Variants in KIAA1217 observed in about 807,000 individuals in gnomAD.
KIAA1217 encodes the protein sickle tail protein homolog.
A neutral mutation model predicts 163.9 loss-of-function variants in KIAA1217; 88 were observed. The ratio of observed to expected loss-of-function variants is 0.54; its 90% CI spans 0.45 to 0.64. KIAA1217 has a LOEUF of 0.64. Among genes scored for constraint, KIAA1217 ranks in the 30% least tolerant of loss-of-function variants. KIAA1217 has a pLI of 0.00. For missense variants in KIAA1217, 2,372 were observed against 2,475.0 expected, an observed-to-expected ratio of 0.96 and a Z score of 0.88; for synonymous variants, 903 against 923.1, an observed-to-expected ratio of 0.98 and a Z score of 0.39.
chr10:24,185,776 C>A (rs1022489737), intron 2 of KIAA1217, among the ~76,000 whole-genome samples: 5 of 151,788 alleles, frequency 3.3e-5, no homozygotes, highest in African/African-American at 1.2e-4. Context: ...GCCTGAGTGA[C>A]AAGAGCAAAA....
At chr10:24,214,223 C>T (rs2068523187) in intron 1 of KIAA1217, among the ~76,000 whole-genome samples, 1 of 152,134 alleles carries the variant, frequency 6.6e-6, no homozygotes, top group Non-Finnish European at 1.5e-5. Flanking sequence ...ATTCTGCGGC[C>T]TGCTAACCGA....
At chr10:24,062,798 C>CTTTCTTT (rs2060782291) in intron 2 of KIAA1217, among the ~76,000 whole-genome samples, 2 of 152,130 alleles carry the variant, frequency 1.3e-5, no homozygotes, top group Non-Finnish European at 2.9e-5. Flanking sequence ...TCTCCAGCAC[C>CTTTCTTT]TGTTGTTTCC....
At chr10:24,487,226 A>C (rs1247562899) in intron 6 of KIAA1217, among the ~76,000 whole-genome samples, 1 of 152,142 alleles carries the variant, frequency 6.6e-6, no homozygotes, top group Non-Finnish European at 1.5e-5. Flanking sequence ...CTCCGTCTCC[A>C]CCATCCAGGA....
At chr10:24,060,743 C>G (rs1231468293) in intron 2 of KIAA1217, among the ~76,000 whole-genome samples, 1 of 152,132 alleles carries the variant, frequency 6.6e-6, no homozygotes, top group Admixed American at 6.5e-5. Context: ...TTATAGTGAG[C>G]TATGATGGCA....
intron 1 of KIAA1217, among the ~76,000 whole-genome samples, chr10:23,743,662 T>G (rs1268080216): frequency 1.3e-5 from 2 of 152,190 alleles, no homozygotes; most frequent in Non-Finnish European, 2.9e-5. Context: ...CACTGCAAGA[T>G]TTTATGTTTT....
chr10:23,723,624 G>C (rs2130769379), intron 1 of KIAA1217, among the ~76,000 whole-genome samples: 1 of 152,160 alleles, frequency 6.6e-6, no homozygotes, highest in South Asian at 2.1e-4. Context: ...CCAATTGCAA[G>C]TATTTCATGT....
Position 24,067,491 on chromosome 10 carries a change from C to G in KIAA1217, c.-171+60117C>G, listed in dbSNP as rs191657296. 1.7e-3 allele frequency among the ~76,000 whole-genome samples: 265 copies of G among 152,172 alleles called. 4 individuals are homozygous for G. In the East Asian group the frequency reaches 0.032, roughly 18 times the overall value. On this transcript the variant is annotated intron_variant, in intron 2 of 18. Coordinates refer to the KIAA1217 transcript ENST00000376462. ...TGAACCGCAAATGCTGCTGCCTGAT[C>G]GCTCCTCTGGAAGTTTTGTCTCAGA... is the stretch of plus-strand genomic sequence containing the variant.
At chr10:24,383,504 C>T (rs763619373) in intron 3 of KIAA1217, among the ~76,000 whole-genome samples, 3 of 152,188 alleles carry the variant, frequency 2.0e-5, no homozygotes, top group South Asian at 2.1e-4. Flanking sequence ...TGTTTTCGCA[C>T]GGGGTGGCCA....
intron 2 of KIAA1217, among the ~76,000 whole-genome samples, chr10:24,310,066 C>T (rs919038103): frequency 6.6e-6 from 1 of 152,172 alleles, no homozygotes; most frequent in South Asian, 2.1e-4. Flanking sequence ...GTTTTGGCAA[C>T]GTTATTTCTC....
At chr10:24,475,471 A>G (rs529461746) in intron 6 of KIAA1217, among the ~76,000 whole-genome samples, 2 of 152,326 alleles carry the variant, frequency 1.3e-5, no homozygotes, top group East Asian at 1.9e-4. Flanking sequence ...GTTACAGGGA[A>G]TATCATAGCA....
intron 1 of KIAA1217, among the ~76,000 whole-genome samples, chr10:23,724,680 G>T (rs1390561770): frequency 6.6e-6 from 1 of 152,100 alleles, no homozygotes. Context: ...TATAATTTGG[G>T]TGGCTAGCCC....
intron 3 of KIAA1217, among the ~76,000 whole-genome samples, chr10:24,386,023 G>C (rs1055413598): frequency 1.3e-5 from 2 of 152,172 alleles, no homozygotes; most frequent in Admixed American, 6.5e-5. Context: ...CCACTCTTCT[G>C]TGAGCCCTCA....
chr10:24,494,357 C>T (rs1243343321), intron 6 of KIAA1217, 143 bp from the exon 7 acceptor site: 3 of 659,978 alleles, frequency 4.5e-6, no homozygotes, highest in African/African-American at 1.8e-5. Flanking sequence ...GGATGTGCGG[C>T]TCTTCATGTT....
At chr10:24,249,186 T>G (rs2074196638) in intron 2 of KIAA1217, among the ~76,000 whole-genome samples, 1 of 152,228 alleles carries the variant, frequency 6.6e-6, no homozygotes, top group Non-Finnish European at 1.5e-5. Flanking sequence ...TTTTCTGTAC[T>G]TCATAAAATA....
At chr10:24,448,055 C>T (rs1021282188) in intron 5 of KIAA1217, among the ~76,000 whole-genome samples, 5 of 151,810 alleles carry the variant, frequency 3.3e-5, no homozygotes, top group African/African-American at 9.7e-5. Context: ...ACTTGAACCC[C>T]GGAGGCAGAG....
Position 24,546,019 on chromosome 10 carries a change from C to A in KIAA1217, c.5527C>A (p.Gln1843Lys). The A allele has an allele frequency of 6.2e-7, 1 of 1,614,166 alleles. No individual in the cohort carries two copies. The highest frequency in any genetic ancestry group is 2.2e-5 in the East Asian group (1 of 44,880). ...GATTGCTTCTAACCCTCTCAGCCCCCAAACAGGACCACCTGCTCACTCTGC... is the reference window on the plus strand; with the variant it reads ...GATTGCTTCTAACCCTCTCAGCCCCAAAACAGGACCACCTGCTCACTCTGC... ...PSIASNPLSP[Q>K]TGPPAHSASL... The change falls in exon 21 of 21, where the codon CAA becomes AAA. Residue 1843 changes from glutamine (Q) to lysine (K), a missense_variant. Gln to Lys is a moderately conservative substitution (Grantham distance 53, BLOSUM62 1). Coordinates refer to ENST00000376454, the MANE Select transcript of KIAA1217 (RefSeq NM_019590.5).
intron 2 of KIAA1217, among the ~76,000 whole-genome samples, chr10:24,284,265 A>C (rs1320248854): frequency 6.6e-6 from 1 of 152,046 alleles, no homozygotes; most frequent in African/African-American, 2.4e-5. Flanking sequence ...GTACATGTGC[A>C]GATTTGTTAC....
chr10:24,315,310 CA>C (rs765909905), intron 2 of KIAA1217, among the ~76,000 whole-genome samples: 1 of 152,220 alleles, frequency 6.6e-6, no homozygotes, highest in Non-Finnish European at 1.5e-5. Flanking sequence ...AAAAGGAGCC[CA>C]AATTTCACAG....
At chr10:24,475,588 T>C (rs2063928315) in intron 6 of KIAA1217, among the ~76,000 whole-genome samples, 1 of 152,228 alleles carries the variant, frequency 6.6e-6, no homozygotes, top group African/African-American at 2.4e-5. Context: ...CAACAGTGAA[T>C]GGCTTGATGA....
Sources: gnomAD v4.1 joint callset for allele counts (sites outside exome capture counted in the v4.1 genomes callset) on GRCh38, gnomAD v4.1.1 for gene constraint, MANE v1.5 for transcripts, NCBI Gene and HGNC (gene_info 2026-07-23, HGNC 2026-07-21) for gene names.